The following DPCD variants were observed in gnomAD, a reference collection of about 807,000 sequenced individuals.
The protein encoded by DPCD is deleted in primary ciliary dyskinesia homolog (mouse).
In DPCD, 20 loss-of-function variants were observed where a neutral mutation model predicts 26.4. That is an observed-to-expected ratio of 0.76 (90% CI 0.53 to 1.10). The LOEUF is 1.10. Ranked by LOEUF, DPCD falls within the 50% of genes least tolerant of loss-of-function variation. DPCD has a pLI of 0.00. For missense variants in DPCD, 202 were observed against 253.9 expected, an observed-to-expected ratio of 0.80 and a Z score of 1.39; for synonymous variants, 97 against 94.2, an observed-to-expected ratio of 1.03 and a Z score of -0.17.
intron 4 of DPCD, among the ~76,000 whole-genome samples, chr10:101,607,536 G>A (rs2063741545): frequency 6.6e-6 from 1 of 152,184 alleles, no homozygotes; most frequent in African/African-American, 2.4e-5. Context: ...GAGGAGAGGG[G>A]CCCCGAGAGC....
intron 1 of DPCD, among the ~76,000 whole-genome samples, chr10:101,590,082 GAATT>G (rs984802171): frequency 5.2e-5 from 7 of 133,688 alleles, no homozygotes; most frequent in East Asian, 2.0e-4. Flanking sequence ...AAAAAAAAAA[GAATT>G]AATAGGCGTT....
chr10:101,598,822 C>T (rs1267718373), intron 2 of DPCD, among the ~76,000 whole-genome samples: 1 of 152,022 alleles, frequency 6.6e-6, no homozygotes, highest in Non-Finnish European at 1.5e-5. Flanking sequence ...CGGGGTTTCT[C>T]CATGTTGGCC....
intron 1 of DPCD, among the ~76,000 whole-genome samples, chr10:101,594,217 G>C (rs1001362930): frequency 5.0e-5 from 7 of 138,902 alleles, no homozygotes; most frequent in Non-Finnish European, 8.1e-5. Flanking sequence ...GAAGACAAAT[G>C]CTTTTAAAAG....
rs753079502 is a variant in DPCD at position 101,605,232 on chromosome 10, A to G, written c.405-3603A>G. On this transcript the variant is annotated intron_variant, in intron 4 of 5. Coordinates refer to ENST00000370151, the MANE Select transcript of DPCD (RefSeq NM_015448.3). ...TCTGAGGTATGTGAGGCATGACCCA[A>G]GTGATTGTCCACAGCAGCCCTGCTC... 1.4e-5 allele frequency: 21 copies of G among 1,549,496 alleles called. No homozygotes were observed. In the South Asian group the frequency reaches 2.0e-4, roughly 15 times the overall value.
rs2063711565 is a variant in DPCD at position 101,603,330 on chromosome 10, A to G, written c.404+1994A>G. The stretch of plus-strand genomic sequence containing the variant: ...TTTTATACCTTTACTCCCATTAATT[A>G]TATAGAACTCAATGGGTATTCCTTT... On this transcript the variant is annotated intron_variant, in intron 4 of 5. Coordinates refer to ENST00000370151, the MANE Select transcript of DPCD (RefSeq NM_015448.3). The surrounding 1 kb of genome is among the most constrained non-coding windows in gnomAD (Gnocchi z 4.6). Among the ~76,000 whole-genome samples the G allele has an allele frequency of 2.0e-5, 3 of 152,228 alleles. No individual in the cohort carries two copies. Among genetic ancestry groups the G allele is most frequent in the South Asian group, 2.1e-4 (1 of 4,836 alleles).
At chr10:101,595,610 A>T (rs532082207) in intron 2 of DPCD, among the ~76,000 whole-genome samples, 1 of 152,132 alleles carries the variant, frequency 6.6e-6, no homozygotes, top group East Asian at 1.9e-4. Flanking sequence ...ACAGCTCATA[A>T]ATGTCTAGAA....
intron 5 of DPCD, 88 bp from the exon 6 acceptor site, chr10:101,609,279 G>A (rs1402913663): frequency 8.2e-7 from 1 of 1,212,580 alleles, no homozygotes; most frequent in Non-Finnish European, 1.2e-6. Flanking sequence ...GCAAATAAGG[G>A]GATCAGAAGG....
chr10:101,591,122 G>A (rs2063603890), intron 1 of DPCD, among the ~76,000 whole-genome samples: 1 of 152,212 alleles, frequency 6.6e-6, no homozygotes, highest in African/African-American at 2.4e-5. Flanking sequence ...TGGGCACAGA[G>A]GTATGGATAT....
chr10:101,599,212 G>C (rs1422505018), intron 2 of DPCD, among the ~76,000 whole-genome samples: 3 of 152,184 alleles, frequency 2.0e-5, no homozygotes, highest in African/African-American at 7.2e-5. Context: ...AGGGTACATG[G>C]ATCTTTTCAC....
intron 4 of DPCD, among the ~76,000 whole-genome samples, chr10:101,607,996 G>A (rs2063744367): frequency 6.6e-6 from 1 of 152,212 alleles, no homozygotes; most frequent in Admixed American, 6.5e-5. Context: ...AACAAGGCAA[G>A]ATATTTCATC....
rs2063691800 is a variant in DPCD at position 101,600,943 on chromosome 10, A to G, written c.270+81A>G. The stretch of plus-strand genomic sequence containing the variant: ...CTGCTGGCTCTTGAGGGCAGGGACC[A>G]TGTCTTGTTCACCTCCTCGCCTCCA... On this transcript the variant is annotated intron_variant, in intron 3 of 5. Transcript: ENST00000370151. This position sits in a 1 kb window ranked among gnomAD's most constrained non-coding sequence, Gnocchi z 4.7. 1 of 1,599,024 alleles carries G rather than the reference A, an allele frequency of 6.3e-7. No homozygotes were observed. The highest frequency in any genetic ancestry group is 1.1e-5 in the South Asian group (1 of 89,140).
At position 101,601,296 on chromosome 10, in the gene DPCD, C is replaced by T; in HGVS notation, c.364C>T (p.Gln122Ter). Residue 122 changes from glutamine (Q) to a stop codon, truncating the protein, a stop_gained, in exon 4 of 6, where the codon CAG becomes TAG. Transcript: ENST00000370151. LOFTEE classifies it high-confidence loss of function. ...GGATGTCTATAGTGTCTCTGTGGACCAGAAGGAGCGCTGCATCATTGTCAG... is the reference window on the plus strand; with the variant it reads ...GGATGTCTATAGTGTCTCTGTGGACTAGAAGGAGCGCTGCATCATTGTCAG... ...PKDVYSVSVD[Q>*]KERCIIVRTT... 1 of 1,613,724 alleles carries T rather than the reference C, an allele frequency of 6.2e-7. No homozygotes were observed. The highest frequency in any genetic ancestry group is 8.5e-7 in the Non-Finnish European group (1 of 1,179,880).
At chr10:101,598,202 T>G (rs933350537) in intron 2 of DPCD, among the ~76,000 whole-genome samples, 1 of 152,130 alleles carries the variant, frequency 6.6e-6, no homozygotes, top group African/African-American at 2.4e-5. Context: ...TATTATGCAT[T>G]AGGACACCCA....
intron 4 of DPCD, among the ~76,000 whole-genome samples, chr10:101,606,267 C>T (rs971549952): frequency 2.6e-5 from 4 of 152,026 alleles, no homozygotes; most frequent in Admixed American, 1.3e-4. Context: ...GTTCAAGTGA[C>T]TCTCCTGCCT....
intron 4 of DPCD, among the ~76,000 whole-genome samples, chr10:101,607,595 TG>T (rs2063742150): frequency 1.3e-5 from 2 of 152,128 alleles, no homozygotes; most frequent in African/African-American, 4.8e-5. Context: ...GCAGAAGTGC[TG>T]CATTGATGTC....
chr10:101,598,611 C>CTTTTTTTT lies in DPCD; in HGVS notation c.146-2104_146-2097dup, dbSNP rs71016333. On this transcript the variant is annotated intron_variant, in intron 2 of 5. Transcript: ENST00000370151. ...AATACAGACATTGGGTAGATGCTTT[C>CTTTTTTTT]TTTTTTTTTTTTTTTTTTTTTTTTT... Among the ~76,000 whole-genome samples the CTTTTTTTT allele has an allele frequency of 1.2e-3, 91 of 74,982 alleles. 6 individuals carry two copies. The highest frequency in any genetic ancestry group is 2.0e-3 in the Non-Finnish European group (82 of 41,240). 49.2% of individuals were successfully genotyped at this position (74,982 alleles called of 152,430 possible). A position where few individuals can be genotyped will look rare whatever the true frequency, so the allele number is the denominator to read the frequency against.
At chr10:101,606,883 G>C (rs2063736444) in intron 4 of DPCD, among the ~76,000 whole-genome samples, 1 of 152,150 alleles carries the variant, frequency 6.6e-6, no homozygotes, top group African/African-American at 2.4e-5. Context: ...CTACTCCCTT[G>C]AGCCTATCGG....
chr10:101,598,611 C>CTTTT (rs71016333), intron 2 of DPCD, among the ~76,000 whole-genome samples: 1,168 of 75,040 alleles, frequency 0.016, 84 homozygotes, highest in Middle Eastern at 0.022. Context: ...TAGATGCTTT[C>CTTTT]TTTTTTTTTT....
intron 4 of DPCD, chr10:101,605,329 G>T: frequency 7.0e-7 from 1 of 1,435,194 alleles, no homozygotes; most frequent in Non-Finnish European, 9.3e-7. Flanking sequence ...TTGAAAGGCT[G>T]GATTGGGGAG....
Sources: gnomAD v4.1 joint callset for allele counts (sites outside exome capture counted in the v4.1 genomes callset) on GRCh38, gnomAD v4.1.1 for gene constraint, Gnocchi (gnomAD v3.1) non-coding constraint, MANE v1.5 for transcripts, NCBI Gene and HGNC (gene_info 2026-07-23, HGNC 2026-07-21) for gene names.